The following OXSR1 variants were observed in gnomAD, a reference collection of about 807,000 sequenced individuals.
OXSR1 encodes the protein serine/threonine-protein kinase OSR1.
OXSR1 carries 24 observed loss-of-function variants against 79.8 expected under a neutral mutation model. That is an observed-to-expected ratio of 0.30 (90% CI 0.22 to 0.42). The LOEUF (loss-of-function observed/expected upper bound fraction) is 0.42, where lower values mean the gene tolerates loss of function less well. OXSR1 is among the 10% of genes least tolerant of loss of function. The pLI is 1.00. For missense variants in OXSR1, 430 were observed against 618.4 expected, an observed-to-expected ratio of 0.70 and a Z score of 3.23; for synonymous variants, 226 against 209.2, an observed-to-expected ratio of 1.08 and a Z score of -0.69.
intron 4 of OXSR1, among the ~76,000 whole-genome samples, chr3:38,200,124 C>T (rs1243821178): frequency 2.0e-5 from 3 of 152,166 alleles, no homozygotes; most frequent in Non-Finnish European, 4.4e-5. Context: ...GTCCCCCTGT[C>T]TGCTCTTTAT....
At chr3:38,207,034 C>T (rs976127577) in intron 4 of OXSR1, among the ~76,000 whole-genome samples, 20 of 152,212 alleles carry the variant, frequency 1.3e-4, no homozygotes, top group African/African-American at 4.8e-4. Context: ...AGTGAACGGT[C>T]ATTGTCATTA....
chr3:38,247,998 G>T (rs1322837656), intron 14 of OXSR1, among the ~76,000 whole-genome samples: 1 of 152,116 alleles, frequency 6.6e-6, no homozygotes, highest in Admixed American at 6.6e-5. Flanking sequence ...TTACAGTGTA[G>T]CTAGTTTGGG....
At chr3:38,214,600 A>G (rs772504567) in intron 4 of OXSR1, among the ~76,000 whole-genome samples, 3 of 152,204 alleles carry the variant, frequency 2.0e-5, no homozygotes, top group African/African-American at 7.2e-5. Flanking sequence ...AATGTCCTCT[A>G]TTCTCTCCTG....
At chr3:38,197,567 T>C (rs867412247) in intron 3 of OXSR1, among the ~76,000 whole-genome samples, 2 of 152,242 alleles carry the variant, frequency 1.3e-5, no homozygotes, top group South Asian at 2.1e-4. Flanking sequence ...CTTTTTCTGC[T>C]ATCTTCCAGA....
chr3:38,205,189 G>A (rs1702243784), intron 4 of OXSR1, among the ~76,000 whole-genome samples: 1 of 152,186 alleles, frequency 6.6e-6, no homozygotes, highest in African/African-American at 2.4e-5. Context: ...ATTCAAGACT[G>A]TCTTTCCTAT....
intron 8 of OXSR1, among the ~76,000 whole-genome samples, chr3:38,225,930 A>C (rs2125839117): frequency 6.6e-6 from 1 of 152,272 alleles, no homozygotes; most frequent in Admixed American, 6.5e-5. Flanking sequence ...CAGTATCCTT[A>C]GTAAAAGGAT....
At chr3:38,187,672 G>T (rs1203299242) in intron 2 of OXSR1, among the ~76,000 whole-genome samples, 3 of 152,146 alleles carry the variant, frequency 2.0e-5, no homozygotes, top group Non-Finnish European at 4.4e-5. Flanking sequence ...CAAAAAATCT[G>T]GCTCTAGCAG....
chr3:38,164,330 G>A (rs997690777), upstream of OXSR1, among the ~76,000 whole-genome samples: 1 of 152,184 alleles, frequency 6.6e-6, no homozygotes, highest in African/African-American at 2.4e-5. Flanking sequence ...TATTTTAGTA[G>A]AGAGGGAGTT....
At position 38,165,591 on chromosome 3, in the gene OXSR1, A is replaced by G; in HGVS notation, c.-286A>G. 5.0e-6 allele frequency: 2 copies of G among 403,968 alleles called. No homozygotes were observed. The highest frequency in any genetic ancestry group is 3.3e-5 in the South Asian group (1 of 29,938). 25.0% of individuals were successfully genotyped at this position (403,968 alleles called of 1,614,324 possible). On this transcript the variant is annotated 5_prime_UTR_variant, in exon 1 of 18. Transcript: ENST00000311806. Reference sequence around the variant, plus strand: ...GGGACAGAGGGGCTGGGCCCAGGCAAAGCTTCTGTCGCTGCTGCTGCGGAG... The same window carrying G: ...GGGACAGAGGGGCTGGGCCCAGGCAGAGCTTCTGTCGCTGCTGCTGCGGAG...
chr3:38,237,275 G>A (rs573112779), intron 11 of OXSR1, among the ~76,000 whole-genome samples: 1 of 152,260 alleles, frequency 6.6e-6, no homozygotes, highest in Non-Finnish European at 1.5e-5. Context: ...TGAACTTGAA[G>A]GCCCAGCAAT....
At chr3:38,240,526 A>G (rs1447120595) in intron 11 of OXSR1, among the ~76,000 whole-genome samples, 1 of 152,170 alleles carries the variant, frequency 6.6e-6, no homozygotes, top group East Asian at 1.9e-4. Context: ...ATGGCCTGAA[A>G]GCAAAGAAAC....
At chr3:38,209,000 G>A (rs931558557) in intron 4 of OXSR1, among the ~76,000 whole-genome samples, 13 of 151,968 alleles carry the variant, frequency 8.6e-5, no homozygotes, top group African/African-American at 1.5e-4. Flanking sequence ...GCGCGCGTGC[G>A]CGCATGTGCA....
chr3:38,214,926 A>C (rs1196786001), intron 4 of OXSR1, among the ~76,000 whole-genome samples: 1 of 152,232 alleles, frequency 6.6e-6, no homozygotes, highest in African/African-American at 2.4e-5. Flanking sequence ...GCTCCTTTTC[A>C]TGACAAATAA....
At chr3:38,205,464 A>G (rs957354468) in intron 4 of OXSR1, among the ~76,000 whole-genome samples, 4 of 152,114 alleles carry the variant, frequency 2.6e-5, no homozygotes, top group South Asian at 2.1e-4. Context: ...TTTGTCTCCT[A>G]TGCTCATGTG....
intron 1 of OXSR1, among the ~76,000 whole-genome samples, chr3:38,179,625 G>T (rs1311246940): frequency 6.6e-6 from 1 of 152,052 alleles, no homozygotes; most frequent in Non-Finnish European, 1.5e-5. Flanking sequence ...CTCAGTATAT[G>T]TGGGGGACTG....
chr3:38,241,624 G>A (rs1703037389), intron 11 of OXSR1, among the ~76,000 whole-genome samples: 1 of 151,886 alleles, frequency 6.6e-6, no homozygotes, highest in African/African-American at 2.4e-5. Flanking sequence ...AAGAGAAAGT[G>A]AGCACCCAAA....
At chr3:38,231,843 A>T (rs1262108387) in intron 10 of OXSR1, among the ~76,000 whole-genome samples, 1 of 152,216 alleles carries the variant, frequency 6.6e-6, no homozygotes, top group Non-Finnish European at 1.5e-5. Flanking sequence ...GCAGTGGCTC[A>T]TGCCTGTAAT....
chr3:38,226,733 C>T (rs377259531), intron 8 of OXSR1, among the ~76,000 whole-genome samples: 1 of 151,710 alleles, frequency 6.6e-6, no homozygotes, highest in African/African-American at 2.4e-5. Context: ...GATACCTGAC[C>T]AGCACTCTTC....
chr3:38,234,948 C>T (rs1403340292), intron 10 of OXSR1, among the ~76,000 whole-genome samples: 1 of 152,210 alleles, frequency 6.6e-6, no homozygotes. Flanking sequence ...ATGGATGACC[C>T]TTTCAAACAT....
Sources: allele counts gnomAD v4.1 joint callset (sites outside exome capture counted in the v4.1 genomes callset), GRCh38; gene constraint gnomAD v4.1.1; transcripts MANE v1.5; gene names NCBI Gene and HGNC (gene_info 2026-07-23, HGNC 2026-07-21).